The following RERE variants were observed in gnomAD, a reference collection of about 807,000 sequenced individuals.
The protein encoded by RERE is arginine-glutamic acid dipeptide repeats protein.
Under a neutral mutation model 146.1 loss-of-function variants are expected in RERE, and 40 were observed. The ratio of observed to expected loss-of-function variants is 0.27; its 90% CI spans 0.21 to 0.36. The LOEUF is 0.36. Ranked by LOEUF, RERE falls within the 10% of genes least tolerant of loss-of-function variation. The pLI, the probability that RERE is intolerant of heterozygous loss-of-function variation, is 1.00. For missense variants in RERE, 1,933 were observed against 2,138.7 expected (o/e 0.90, Z 1.90); for synonymous variants, 1,003 against 866.0 (o/e 1.16, Z -2.78).
At chr1:8,359,743 C>A in intron 19 of RERE, 21 bp downstream of exon 19, 1 of 1,597,580 alleles carries the variant, frequency 6.3e-7, no homozygotes, top group Non-Finnish European at 8.5e-7. Flanking sequence ...CCCCGTCACA[C>A]CTCGCCAACC....
chr1:8,602,793 C>T (rs1570495713), intron 4 of RERE, among the ~76,000 whole-genome samples: 1 of 152,050 alleles, frequency 6.6e-6, no homozygotes, highest in South Asian at 2.1e-4. Context: ...CAGTCCCATG[C>T]ATTTAATTTA....
At chr1:8,668,594 G>A (rs1162588083) in intron 1 of RERE, among the ~76,000 whole-genome samples, 1 of 152,144 alleles carries the variant, frequency 6.6e-6, no homozygotes, top group Non-Finnish European at 1.5e-5. Flanking sequence ...TAAATAAAGT[G>A]TAGTATACAT....
intron 2 of RERE, among the ~76,000 whole-genome samples, chr1:8,654,419 A>G (rs1638221027): frequency 6.6e-6 from 1 of 152,226 alleles, no homozygotes; most frequent in Non-Finnish European, 1.5e-5. Context: ...TAACAGTAAC[A>G]GCATTCCTCA....
At chr1:8,401,438 T>A (rs938558565) in intron 12 of RERE, among the ~76,000 whole-genome samples, 3 of 151,236 alleles carry the variant, frequency 2.0e-5, no homozygotes, top group Non-Finnish European at 2.9e-5. Flanking sequence ...TGAGAACCTG[T>A]CACTAAATAA....
At chr1:8,400,124 A>G (rs780181245) in intron 12 of RERE, among the ~76,000 whole-genome samples, 2 of 152,136 alleles carry the variant, frequency 1.3e-5, no homozygotes, top group Non-Finnish European at 2.9e-5. Context: ...AAATTTTTCT[A>G]TATTTTCATT....
Position 8,356,613 on chromosome 1 carries a change from C to T in RERE, c.4340-367G>A, listed in dbSNP as rs1439898266. Among the ~76,000 whole-genome samples the T allele has an allele frequency of 3.3e-5, 5 of 152,186 alleles. No homozygotes were observed. Among genetic ancestry groups the T allele is most frequent in the Admixed American group, 3.3e-4 (5 of 15,284 alleles). On this transcript the variant is annotated intron_variant, in intron 20 of 22. Coordinates refer to ENST00000400908, the MANE Select transcript of RERE (RefSeq NM_001042681.2). The surrounding 1 kb of genome is among the most constrained non-coding windows in gnomAD (Gnocchi z 5.2). ...CAGGTCACAGGAACACACAGCCTTG[C>T]GCCAGTGGGTGTTGGGCTGGCACCC...
At chr1:8,486,848 T>C (rs540107772) in intron 10 of RERE, among the ~76,000 whole-genome samples, 2 of 151,596 alleles carry the variant, frequency 1.3e-5, no homozygotes, top group Admixed American at 1.3e-4. Context: ...CTGGCAAACA[T>C]TTGATGTAGA....
At chr1:8,800,329 T>C (rs542154409) in intron 1 of RERE, among the ~76,000 whole-genome samples, 1 of 152,254 alleles carries the variant, frequency 6.6e-6, no homozygotes, top group Admixed American at 6.5e-5. Context: ...GTAAATTTTA[T>C]AGCATGTGAC....
intron 6 of RERE, among the ~76,000 whole-genome samples, chr1:8,552,289 T>C (rs941492479): frequency 1.3e-5 from 2 of 152,232 alleles, no homozygotes; most frequent in African/African-American, 4.8e-5. Context: ...TATACATCAG[T>C]TTCCTCCTGA....
Position 8,364,302 on chromosome 1 carries a change from C to A in RERE, c.1541-47G>T. 6.5e-7 allele frequency: 1 copy of A among 1,547,628 alleles called. No homozygotes were observed. ...GGCCAACCTTGGAAACCATCCCTCT[C>A]CCTGGGGATGTCTGGGCAGAGGGGC... On this transcript the variant is annotated intron_variant, in intron 14 of 22. Transcript: ENST00000400908. The surrounding 1 kb of genome is among the most constrained non-coding windows in gnomAD (Gnocchi z 5.1).
chr1:8,754,943 A>G (rs1222118216), intron 1 of RERE, among the ~76,000 whole-genome samples: 3 of 152,226 alleles, frequency 2.0e-5, no homozygotes, highest in African/African-American at 7.2e-5. Flanking sequence ...AGCCTCAATA[A>G]ACCCCTAACT....
intron 2 of RERE, among the ~76,000 whole-genome samples, chr1:8,641,637 T>A (rs2124285252): frequency 6.6e-6 from 1 of 152,248 alleles, no homozygotes; most frequent in South Asian, 2.1e-4. Flanking sequence ...ACTGAATTAA[T>A]CAAGTACCTC....
intron 1 of RERE, among the ~76,000 whole-genome samples, chr1:8,723,581 T>C (rs1184723108): frequency 6.6e-6 from 1 of 152,232 alleles, no homozygotes; most frequent in Non-Finnish European, 1.5e-5. Flanking sequence ...GACTGTGCTA[T>C]GTACACTGAA....
intron 1 of RERE, among the ~76,000 whole-genome samples, chr1:8,759,914 A>C (rs1240196732): frequency 1.3e-5 from 2 of 152,098 alleles, no homozygotes; most frequent in Non-Finnish European, 2.9e-5. Context: ...CACTGTATAA[A>C]TCTAATTAAG....
chr1:8,645,173 T>C (rs954639580), intron 2 of RERE, among the ~76,000 whole-genome samples: 2 of 152,160 alleles, frequency 1.3e-5, no homozygotes, highest in South Asian at 2.1e-4. Flanking sequence ...TTAAAACTGG[T>C]TGTCACCCAT....
intron 12 of RERE, among the ~76,000 whole-genome samples, chr1:8,392,893 A>C (rs1642931970): frequency 6.6e-6 from 1 of 152,226 alleles, no homozygotes; most frequent in Admixed American, 6.5e-5. Flanking sequence ...CACGATGTGC[A>C]TTCTCTGGGG....
At chr1:8,804,335 A>G (rs910576609) in intron 1 of RERE, among the ~76,000 whole-genome samples, 1 of 152,220 alleles carries the variant, frequency 6.6e-6, no homozygotes, top group African/African-American at 2.4e-5. Context: ...TGAAAATTCT[A>G]TACTGGATAC....
At chr1:8,560,459 C>G (rs1646064244) in intron 4 of RERE, among the ~76,000 whole-genome samples, 1 of 152,072 alleles carries the variant, frequency 6.6e-6, no homozygotes, top group Admixed American at 6.5e-5. Context: ...AAACCTGGTT[C>G]GAGCACTACA....
chr1:8,678,389 T>C (rs1003303000), intron 1 of RERE, among the ~76,000 whole-genome samples: 1 of 151,880 alleles, frequency 6.6e-6, no homozygotes, highest in Non-Finnish European at 1.5e-5. Context: ...CTCACGCCTA[T>C]AATCCTAGCA....
Sources: allele counts gnomAD v4.1 joint callset (sites outside exome capture counted in the v4.1 genomes callset), GRCh38; gene constraint gnomAD v4.1.1; non-coding constraint Gnocchi (gnomAD v3.1); transcripts MANE v1.5; gene names NCBI Gene and HGNC (gene_info 2026-07-23, HGNC 2026-07-21).